RPS2: variants seen among roughly 807,000 people sequenced by gnomAD.
RPS2 encodes ribosomal protein S2.
Under a neutral mutation model 25.3 loss-of-function variants are expected in RPS2, and 8 were observed. The observed-to-expected ratio is 0.32, with a 90% CI of 0.19 to 0.57. RPS2 has a LOEUF of 0.57. RPS2 is among the 20% of genes least tolerant of loss of function. The pLI is 0.90. For missense variants in RPS2, 229 were observed against 408.1 expected (o/e 0.56, Z 3.78); for synonymous variants, 181 against 161.3 (o/e 1.12, Z -0.92).
chr16:1,963,344 G>A (rs1443282176), intron 3 of RPS2, 88 bp from the exon 4 acceptor site: 3 of 868,034 alleles, frequency 3.5e-6, no homozygotes, highest in Non-Finnish European at 5.3e-6. Flanking sequence ...ACGGCCGGGG[G>A]CGGTGGCTCA....
At chr16:1,962,937 G>A in intron 4 of RPS2, 28 bp from the exon 5 acceptor site, 2 of 1,596,970 alleles carry the variant, frequency 1.3e-6, no homozygotes, top group Non-Finnish European at 1.7e-6. Context: ...TGAGGCAGCT[G>A]GTGGCCCTAC....
At chr16:1,963,633 GAA>G in intron 3 of RPS2, 1 of 300,840 alleles carries the variant, frequency 3.3e-6, no homozygotes, top group Non-Finnish European at 6.6e-6. Context: ...AAAAACCGAA[GAA>G]GTCATGAACC....
intron 6 of RPS2, 86 bp from the exon 7 acceptor site, chr16:1,962,356 G>C (rs1266029363): frequency 3.6e-6 from 5 of 1,403,870 alleles, no homozygotes; most frequent in Non-Finnish European, 5.1e-6. Context: ...CCTAGGAACA[G>C]AGAGGCCATT....
Position 1,964,673 on chromosome 16 carries a change from T to G in RPS2, c.-3-45A>C, listed in dbSNP as rs549446364. On this transcript the variant is annotated intron_variant, in intron 1 of 6. Transcript: ENST00000343262. ...GGAACTAGTCAGTGTGGCCTACGCA[T>G]CTGGCAGCCCCCCGCGAGACCCAGA... is the stretch of plus-strand genomic sequence containing the variant. 2.8e-6 allele frequency: 3 copies of G among 1,058,544 alleles called. No homozygotes were observed. In the South Asian group the frequency reaches 4.8e-5, roughly 17 times the overall value. 65.6% of individuals were successfully genotyped at this position (1,058,544 alleles called of 1,614,324 possible).
At chr16:1,964,173 C>A in intron 3 of RPS2, 103 bp downstream of exon 3, 1 of 860,734 alleles carries the variant, frequency 1.2e-6, no homozygotes, top group South Asian at 1.5e-5. Flanking sequence ...ACGCGAGACG[C>A]TGGGCCCTTT....
chr16:1,964,788 A>T lies in RPS2; in HGVS notation c.-4+19T>A, dbSNP rs554837428. The T allele has an allele frequency of 3.1e-4, 170 of 550,576 alleles. 1 individual carries two copies. The African/African-American group carries it at 3.2e-3, about 10-fold the overall frequency. The allele number at this position is 550,576 out of a possible 1,614,324, so 34.1% of individuals were successfully genotyped here. On this transcript the variant is annotated intron_variant, in intron 1 of 6. Transcript: ENST00000343262. Reference sequence around the variant, plus strand: ...CGCCGCCCACGCAGAGGCCCGCTGCAGCGACCAACAGGACTCACGTGTTTT... The same window carrying T: ...CGCCGCCCACGCAGAGGCCCGCTGCTGCGACCAACAGGACTCACGTGTTTT...
chr16:1,964,171 C>T (rs1183288255), intron 3 of RPS2, 105 bp downstream of exon 3: 17 of 847,394 alleles, frequency 2.0e-5, no homozygotes, highest in Non-Finnish European at 2.4e-5. Flanking sequence ...TCACGCGAGA[C>T]GCTGGGCCCT....
At chr16:1,962,466 C>G in intron 6 of RPS2, 31 bp downstream of exon 6, 1 of 1,603,434 alleles carries the variant, frequency 6.2e-7, no homozygotes, top group Non-Finnish European at 8.5e-7. Flanking sequence ...GCTGAGAGAC[C>G]ATGGCTATGC....
intron 3 of RPS2, 112 bp downstream of exon 3, chr16:1,964,164 C>T: frequency 1.2e-6 from 1 of 807,920 alleles, no homozygotes; most frequent in South Asian, 1.5e-5. Context: ...CAACCTCTCA[C>T]GCGAGACGCT....
chr16:1,963,176 G>T lies in RPS2; in HGVS notation c.348C>A (p.Thr116=). 3 of 1,598,034 alleles carry T rather than the reference G, an allele frequency of 1.9e-6. No homozygotes were observed. The highest frequency in any genetic ancestry group is 1.1e-5 in the South Asian group (1 of 89,368). The change falls in exon 4 of 7, where the codon ACC becomes ACA. Residue 116 remains threonine (T), a synonymous_variant. Coordinates refer to ENST00000343262, the MANE Select transcript of RPS2 (RefSeq NM_002952.4). ...VLKIMPVQKQ[T]RAGQRTRFKA... ...TGAACCTGGTGCGCTGGCCGGCACG[G>T]GTCTGCTTCTGCACTGGCATAATCT...
In RPS2 at chr16:1,964,790, C is replaced by T. The variant is rs1371601599; in HGVS notation, c.-4+17G>A. The T allele has an allele frequency of 5.5e-6, 3 of 549,330 alleles. No homozygotes were observed. The highest frequency in any genetic ancestry group is 9.5e-6 in the Non-Finnish European group (3 of 316,184). 34.0% of individuals were successfully genotyped at this position (549,330 alleles called of 1,614,324 possible). A position where few individuals can be genotyped will look rare whatever the true frequency, so the allele number is the denominator to read the frequency against. On this transcript the variant is annotated intron_variant, in intron 1 of 6. Transcript: ENST00000343262. ...CCGCCCACGCAGAGGCCCGCTGCAG[C>T]GACCAACAGGACTCACGTGTTTTGT...
At chr16:1,963,323 G>C (rs1162230089) in intron 3 of RPS2, 67 bp from the exon 4 acceptor site, 3 of 1,069,300 alleles carry the variant, frequency 2.8e-6, no homozygotes, top group Non-Finnish European at 4.1e-6. Flanking sequence ...TGATATTCAA[G>C]AACCAAAGTC....
intron 4 of RPS2, 74 bp from the exon 5 acceptor site, chr16:1,962,983 C>T (rs1397731897): frequency 4.6e-6 from 7 of 1,527,608 alleles, no homozygotes; most frequent in Non-Finnish European, 6.3e-6. Flanking sequence ...GCCTGTTGCA[C>T]CCCTCAAGGA....
At position 1,964,597 on chromosome 16, in the gene RPS2, C is replaced by A. The variant is rs1304830476; in HGVS notation, c.29G>T (p.Gly10Val). 6.5e-7 allele frequency: 1 copy of A among 1,534,094 alleles called. No individual in the cohort carries two copies. Among genetic ancestry groups the A allele is most frequent in the Admixed American group, 2.2e-5 (1 of 46,490 alleles). ...CCCAGGGCCACCAGGGCCCCCGGGC[C>A]CCCCCGCTGCACCGGCGTCATCCGC... MADDAGAAG[G>V]PGGPGGPGMG... The change falls in exon 2 of 7, where the codon GGG becomes GTG. Residue 10 changes from glycine to valine, a missense_variant. By Grantham distance (109) the Gly-to-Val change is moderately radical. This residue lies in a region of RPS2 where 27 missense variants were observed against 26.4 expected (regional missense o/e 1.02). Coordinates refer to ENST00000343262, the MANE Select transcript of RPS2 (RefSeq NM_002952.4).
chr16:1,962,186 G>A lies in RPS2; in HGVS notation c.794C>T (p.Pro265Leu). 6.2e-7 allele frequency: 1 copy of A among 1,603,112 alleles called. No homozygotes were observed. The highest frequency in any genetic ancestry group is 8.5e-7 in the Non-Finnish European group (1 of 1,178,310). ...GAGGTGGTCAGTGAACTCCTGATAG[G>A]GAGACTTGGTGAATACAGTCTCCTT... ...LWKETVFTKS[P>L]YQEFTDHLVK... Residue 265 changes from proline to leucine, a missense_variant, in exon 7 of 7, where the codon CCC (proline) becomes CTC (leucine). Transcript: ENST00000343262.
intron 4 of RPS2, 79 bp downstream of exon 4, chr16:1,963,070 G>T: frequency 7.2e-7 from 1 of 1,392,206 alleles, no homozygotes; most frequent in Non-Finnish European, 1.0e-6. Context: ...AAGTCACACG[G>T]GTGAAGCCAA....
intron 3 of RPS2, 89 bp downstream of exon 3, chr16:1,964,187 G>A (rs530167982): frequency 4.1e-6 from 4 of 967,074 alleles, no homozygotes; most frequent in Middle Eastern, 3.2e-4. Flanking sequence ...GCCCTTTAAT[G>A]CGAGTCAATG....
intron 3 of RPS2, among the ~76,000 whole-genome samples, chr16:1,963,474 G>A (rs2083276874): frequency 6.6e-6 from 1 of 152,048 alleles, no homozygotes; most frequent in African/African-American, 2.4e-5. Context: ...AAATTAGCCG[G>A]GCATGGTGGA....
intron 3 of RPS2, chr16:1,964,070 T>C (rs923518716): frequency 3.8e-5 from 22 of 586,116 alleles, no homozygotes; most frequent in Non-Finnish European, 6.4e-5. Context: ...TGCGCTGAAA[T>C]GCCTTTTGTG....
Sources: allele counts gnomAD v4.1 joint callset (sites outside exome capture counted in the v4.1 genomes callset), GRCh38; gene constraint gnomAD v4.1.1; regional missense constraint gnomAD v4.1.1; transcripts MANE v1.5; gene names NCBI Gene and HGNC (gene_info 2026-07-23, HGNC 2026-07-21).